CCM2: variants seen among roughly 807,000 people sequenced by gnomAD.
The protein encoded by CCM2 is cerebral cavernous malformations 2 protein.
Under a neutral mutation model 44.9 loss-of-function variants are expected in CCM2, and 25 were observed. The ratio of observed to expected loss-of-function variants is 0.56; its 90% CI spans 0.41 to 0.78. The LOEUF is 0.78. Ranked by LOEUF, CCM2 falls within the 30% of genes least tolerant of loss-of-function variation. The probability of loss-of-function intolerance (pLI) is 0.00; values close to 1 mark genes in which losing one functional copy is unlikely to be tolerated. For synonymous variants in CCM2, 219 were observed against 241.1 expected, an observed-to-expected ratio of 0.91 and a Z score of 0.85; for missense variants, 481 against 580.6, an observed-to-expected ratio of 0.83 and a Z score of 1.76.
chr7:45,061,814 C>T (rs1478675264), intron 2 of CCM2, among the ~76,000 whole-genome samples: 1 of 152,096 alleles, frequency 6.6e-6, no homozygotes, highest in Non-Finnish European at 1.5e-5. Flanking sequence ...TGTATTCTTC[C>T]CTCCTCCTAC....
At chr7:45,053,467 C>T (rs760831669) in intron 2 of CCM2, among the ~76,000 whole-genome samples, 3 of 152,192 alleles carry the variant, frequency 2.0e-5, no homozygotes, top group Non-Finnish European at 2.9e-5. Context: ...TTCTTGGCTT[C>T]GTATCTGTCC....
intron 1 of CCM2, chr7:45,027,156 G>T (rs1019938138): frequency 4.9e-6 from 1 of 204,726 alleles, no homozygotes; most frequent in Non-Finnish European, 1.0e-5. Context: ...CCCTGCCCAA[G>T]CCCCACCTGG....
chr7:45,032,554 G>A lies in CCM2; in HGVS notation c.31-5699G>A, dbSNP rs561084775. Among the ~76,000 whole-genome samples the A allele has an allele frequency of 2.0e-5, 3 of 152,294 alleles. No homozygotes were observed. The East Asian group carries it at 5.8e-4, about 29-fold the overall frequency. ...GCATTGATTGACTGTTTTTACTGTG[G>A]ATTTAATTTCAGTTACTTTACTCTG... is the stretch of plus-strand genomic sequence containing the variant. On this transcript the variant is annotated intron_variant, in intron 1 of 9. Transcript: ENST00000258781.
chr7:45,076,216 G>A lies in CCM2; in HGVS notation c.*159G>A. The stretch of plus-strand genomic sequence containing the variant: ...GGCCCAGGTCCTCTACTGTGAAGGA[G>A]CAGGGAGCTGCCGAGGGACACGAGC... On this transcript the variant is annotated 3_prime_UTR_variant, in exon 10 of 10. Transcript: ENST00000258781. 2.0e-6 allele frequency: 2 copies of A among 979,502 alleles called. No homozygotes were observed. Among genetic ancestry groups the A allele is most frequent in the South Asian group, 1.4e-5 (1 of 72,278 alleles). 60.7% of individuals were successfully genotyped at this position (979,502 alleles called of 1,614,324 possible).
At chr7:45,064,435 A>G (rs1381187342) in intron 3 of CCM2, 28 bp from the exon 4 acceptor site, 1 of 1,611,126 alleles carries the variant, frequency 6.2e-7, no homozygotes, top group Admixed American at 1.7e-5. Context: ...CTGAGTCTGT[A>G]TTTCTGATGC....
chr7:45,055,152 G>T (rs1798199184), intron 2 of CCM2, among the ~76,000 whole-genome samples: 1 of 152,166 alleles, frequency 6.6e-6, no homozygotes, highest in Non-Finnish European at 1.5e-5. Flanking sequence ...TGATGGTGAT[G>T]TCGTGTCACC....
chr7:45,040,579 A>T (rs947543541), intron 2 of CCM2, among the ~76,000 whole-genome samples: 7 of 152,232 alleles, frequency 4.6e-5, no homozygotes, highest in Admixed American at 4.6e-4. Context: ...TAATTGACTG[A>T]TGGACATGAC....
At chr7:45,071,624 T>C (rs1004035465) in intron 6 of CCM2, 5 of 363,196 alleles carry the variant, frequency 1.4e-5, no homozygotes, top group African/African-American at 1.1e-4. Flanking sequence ...CCCACTGGGC[T>C]AAAGTTGAGG....
chr7:45,012,254 CT>C, intron 1 of CCM2, among the ~76,000 whole-genome samples: 1 of 151,234 alleles, frequency 6.6e-6, no homozygotes, highest in South Asian at 2.1e-4. Flanking sequence ...CTGTCTCAGC[CT>C]TCTGAGTAGC....
In CCM2 at chr7:45,075,880, C is replaced by G. The variant is rs760675025; in HGVS notation, c.1158C>G (p.Gly386=). Residue 386 remains glycine, a synonymous_variant, in exon 10 of 10, where the codon GGC becomes GGG. Coordinates refer to ENST00000258781, the MANE Select transcript of CCM2 (RefSeq NM_031443.4). ...DGRGIITDSF[G]RHRRALSTTS... ...GCGGCATCATCACTGACAGCTTTGG[C>G]AGGCACCGGCGGGCCCTGAGCACCA... 6.2e-7 allele frequency: 1 copy of G among 1,613,516 alleles called. No homozygotes were observed. The highest frequency in any genetic ancestry group is 2.2e-5 in the East Asian group (1 of 44,890).
intron 5 of CCM2, 137 bp downstream of exon 5, chr7:45,068,716 C>G (rs1798908456): frequency 9.1e-7 from 1 of 1,095,134 alleles, no homozygotes; most frequent in East Asian, 2.6e-5. Context: ...ATTGCCTGTC[C>G]CTGCCTCACC....
intron 7 of CCM2, 173 bp from the exon 8 acceptor site, chr7:45,073,287 A>T (rs760728489): frequency 3.1e-6 from 2 of 643,272 alleles, no homozygotes; most frequent in Non-Finnish European, 5.7e-6. Context: ...GACCAGGCCA[A>T]GCTGACCACC....
chr7:45,056,890 A>G (rs1030108152), intron 2 of CCM2, among the ~76,000 whole-genome samples: 4 of 152,210 alleles, frequency 2.6e-5, no homozygotes, highest in Admixed American at 2.0e-4. Context: ...ATCATTGATA[A>G]ATCCAATATC....
chr7:45,044,124 G>GT (rs1311676377), intron 2 of CCM2, among the ~76,000 whole-genome samples: 1 of 151,888 alleles, frequency 6.6e-6, no homozygotes, highest in African/African-American at 2.4e-5. Flanking sequence ...ATCAGCTATA[G>GT]TTTTTTTGTT....
intron 2 of CCM2, among the ~76,000 whole-genome samples, chr7:45,062,826 C>A (rs1169140651): frequency 1.3e-3 from 186 of 138,194 alleles, no homozygotes; most frequent in African/African-American, 1.3e-3. Context: ...GACCCTGTCT[C>A]AAAAAAAAAA....
At chr7:45,064,366 CAT>C in intron 3 of CCM2, 95 bp from the exon 4 acceptor site, 11 of 1,205,378 alleles carry the variant, frequency 9.1e-6, no homozygotes, top group East Asian at 2.4e-5. Context: ...GCATTTGTCA[CAT>C]GTGTGACATC....
intron 2 of CCM2, among the ~76,000 whole-genome samples, chr7:45,048,550 G>A (rs932066103): frequency 7.9e-5 from 12 of 152,122 alleles, no homozygotes; most frequent in Non-Finnish European, 1.3e-4. Flanking sequence ...GGATCACGAG[G>A]TCAAGAGATC....
intron 4 of CCM2, among the ~76,000 whole-genome samples, chr7:45,065,371 G>T (rs934430427): frequency 6.6e-6 from 1 of 152,236 alleles, no homozygotes; most frequent in Non-Finnish European, 1.5e-5. Context: ...TTGCAGTGGG[G>T]ACAGTATCCT....
At chr7:45,039,840 A>C (rs993310936) in intron 2 of CCM2, among the ~76,000 whole-genome samples, 6 of 151,896 alleles carry the variant, frequency 4.0e-5, no homozygotes, top group Non-Finnish European at 8.8e-5. Context: ...CAGCCTGGCC[A>C]ACATGGAGAA....
Sources: allele counts gnomAD v4.1 joint callset (sites outside exome capture counted in the v4.1 genomes callset), GRCh38; gene constraint gnomAD v4.1.1; transcripts MANE v1.5; gene names NCBI Gene and HGNC (gene_info 2026-07-23, HGNC 2026-07-21).